Variants in RPS19 observed in about 807,000 individuals in gnomAD.
The protein encoded by RPS19 is small ribosomal subunit protein eS19.
In RPS19, 1 loss-of-function variant was observed where a neutral mutation model predicts 20.3. The ratio of observed to expected loss-of-function variants is 0.05; its 90% CI spans 0.02 to 0.23. The LOEUF (loss-of-function observed/expected upper bound fraction) is 0.23, where lower values mean the gene tolerates loss of function less well. Among genes scored for constraint, RPS19 ranks in the 10% least tolerant of loss-of-function variants. The pLI is 1.00. For synonymous variants in RPS19, 87 were observed against 74.8 expected, an observed-to-expected ratio of 1.16 and a Z score of -0.84; for missense variants, 111 against 192.7, an observed-to-expected ratio of 0.58 and a Z score of 2.51.
intron 3 of RPS19, 126 bp downstream of exon 3, chr19:41,861,338 C>G (rs1276931489): frequency 2.8e-6 from 2 of 727,216 alleles, no homozygotes; most frequent in East Asian, 5.4e-5. Context: ...GTTGTGTCAC[C>G]ACTTGCTTTG....
In RPS19 at chr19:41,860,761, A is replaced by G. The variant is rs201317022; in HGVS notation, c.1-14A>G. 2.7e-4 allele frequency: 434 copies of G among 1,608,422 alleles called. No individual in the cohort carries two copies. Among genetic ancestry groups the G allele is most frequent in the Non-Finnish European group, 1.3e-4 (156 of 1,174,822 alleles). The stretch of plus-strand genomic sequence containing the variant: ...TGCCAGGCCTGTGTTCACATGCTTG[A>G]CTTTCTCCCTCAGATGCCTGGAGTT... On this transcript the variant is annotated splice_polypyrimidine_tract_variant and intron_variant, in intron 1 of 5. Transcript: ENST00000598742.
intron 4 of RPS19, 147 bp from the exon 5 acceptor site, chr19:41,869,552 C>T (rs782195182): frequency 4.9e-5 from 39 of 796,902 alleles, no homozygotes; most frequent in Non-Finnish European, 7.1e-5. Flanking sequence ...GCCCCCAGCT[C>T]GTTAGAATGC....
chr19:41,861,348 G>T, intron 3 of RPS19, 136 bp downstream of exon 3: 1 of 701,140 alleles, frequency 1.4e-6, no homozygotes. Context: ...CACTTGCTTT[G>T]TGTGATGTGA....
intron 3 of RPS19, among the ~76,000 whole-genome samples, chr19:41,865,969 A>AC (rs1361613138): frequency 7.0e-6 from 1 of 142,516 alleles, no homozygotes; most frequent in East Asian, 2.1e-4. Flanking sequence ...AAAAAAAAAA[A>AC]AAGGCCGGGC....
chr19:41,861,339 ACTTG>A (rs1399724236), intron 3 of RPS19, 127 bp downstream of exon 3: 1 of 724,532 alleles, frequency 1.4e-6, no homozygotes, highest in Non-Finnish European at 2.5e-6. Flanking sequence ...TTGTGTCACC[ACTTG>A]CTTTGTGTGA....
Position 41,871,438 on chromosome 19 carries a change from T to A in RPS19, c.*61T>A. The A allele has an allele frequency of 6.8e-7, 1 of 1,467,822 alleles. No individual in the cohort carries two copies. The highest frequency in any genetic ancestry group is 9.5e-7 in the Non-Finnish European group (1 of 1,049,714). The allele number at this position is 1,467,822 out of a possible 1,614,324, so 90.9% of individuals were successfully genotyped here. On this transcript the variant is annotated 3_prime_UTR_variant, in exon 6 of 6. Transcript: ENST00000598742. ...GTAATCCTGGTCTGGGTCTCTTTTT[T>A]GAGTCTCTTGCTCTGTCGCCCAGGC... is the stretch of plus-strand genomic sequence containing the variant.
chr19:41,865,763 A>G (rs1003572639), intron 3 of RPS19, among the ~76,000 whole-genome samples: 34 of 150,914 alleles, frequency 2.3e-4, no homozygotes, highest in African/African-American at 8.3e-4. Context: ...CCTGGCTAAC[A>G]TGGTGAAACC....
Position 41,869,534 on chromosome 19 carries a change from C to G in RPS19, c.357-165C>G. The G allele has an allele frequency of 1.2e-5, 8 of 690,580 alleles. 1 individual carries two copies. In the Middle Eastern group the frequency reaches 2.0e-3, roughly 174 times the overall value. 42.8% of individuals were successfully genotyped at this position (690,580 alleles called of 1,614,324 possible). A position where few individuals can be genotyped will look rare whatever the true frequency, so the allele number is the denominator to read the frequency against. On this transcript the variant is annotated intron_variant, in intron 4 of 5. Coordinates refer to ENST00000598742, the MANE Select transcript of RPS19 (RefSeq NM_001022.4). The stretch of plus-strand genomic sequence containing the variant: ...ACCCCGTCAGCTCCCAGGGGGGCTC[C>G]CACTACTGCCCCCAGCTCGTTAGAA...
At chr19:41,861,324 C>G in intron 3 of RPS19, 112 bp downstream of exon 3, 1 of 783,178 alleles carries the variant, frequency 1.3e-6, no homozygotes. Context: ...GAGAGAAACC[C>G]TTGGTTGTGT....
chr19:41,868,122 C>T (rs1251359940), intron 3 of RPS19, among the ~76,000 whole-genome samples: 1 of 152,202 alleles, frequency 6.6e-6, no homozygotes, highest in Non-Finnish European at 1.5e-5. Flanking sequence ...AGACTCAGAC[C>T]AACTTGCTGA....
chr19:41,871,418 C>A lies in RPS19; in HGVS notation c.*41C>A. On this transcript the variant is annotated 3_prime_UTR_variant, in exon 6 of 6. Coordinates refer to ENST00000598742, the MANE Select transcript of RPS19 (RefSeq NM_001022.4). ...GTTAATAAATTGCCTCATTCGTAAT[C>A]CTGGTCTGGGTCTCTTTTTTGAGTC... The A allele has an allele frequency of 6.3e-7, 1 of 1,594,898 alleles. No homozygotes were observed. Among genetic ancestry groups the A allele is most frequent in the Non-Finnish European group, 8.6e-7 (1 of 1,163,394 alleles).
At chr19:41,871,259 G>T in intron 5 of RPS19, 92 bp from the exon 6 acceptor site, 2 of 1,041,534 alleles carry the variant, frequency 1.9e-6, no homozygotes. Context: ...AAATCGGGGT[G>T]CCCACCTGTG....
At chr19:41,864,164 T>C (rs2074061318) in intron 3 of RPS19, 7 of 152,216 alleles carry the variant, frequency 4.6e-5, no homozygotes. Flanking sequence ...GCTGTCTTAA[T>C]TCTTTAAAGG....
chr19:41,860,900 C>T, intron 2 of RPS19, 55 bp downstream of exon 2: 1 of 1,476,700 alleles, frequency 6.8e-7, no homozygotes. Context: ...TTGGCCTGCC[C>T]ATCTGAGCCC....
intron 5 of RPS19, among the ~76,000 whole-genome samples, chr19:41,870,206 C>T (rs2074132557): frequency 1.3e-5 from 2 of 151,798 alleles, no homozygotes; most frequent in Non-Finnish European, 2.9e-5. Flanking sequence ...CATGCCATTG[C>T]ACCCCAGCCT....
At chr19:41,866,294 G>A (rs782719410) in intron 3 of RPS19, among the ~76,000 whole-genome samples, 17 of 152,258 alleles carry the variant, frequency 1.1e-4, no homozygotes, top group South Asian at 4.1e-4. Flanking sequence ...GCTATTCTGC[G>A]TTCCCCAGTC....
chr19:41,868,870 G>T (rs1160828840), intron 3 of RPS19, among the ~76,000 whole-genome samples, 161 bp from the exon 4 acceptor site: 3 of 152,048 alleles, frequency 2.0e-5, no homozygotes, highest in Non-Finnish European at 4.4e-5. Context: ...AGCTAGCCGG[G>T]GGGGTGGGTG....
In RPS19 at chr19:41,871,697, C is replaced by G; in HGVS notation, c.*320C>G. ...GCTGTTTACCCGGCAGCCAGTCGGG[C>G]CTTCCCAGGTCAAACAGTTCCCATC... is the stretch of plus-strand genomic sequence containing the variant. On this transcript the variant is annotated 3_prime_UTR_variant, in exon 6 of 6. Coordinates refer to ENST00000598742, the MANE Select transcript of RPS19 (RefSeq NM_001022.4). The G allele has an allele frequency of 5.2e-6, 2 of 382,816 alleles. No homozygotes were observed. The highest frequency in any genetic ancestry group is 2.5e-5 in the South Asian group (1 of 39,522). The allele number at this position is 382,816 out of a possible 1,614,324, so 23.7% of individuals were successfully genotyped here. A position where few individuals can be genotyped will look rare whatever the true frequency, so the allele number is the denominator to read the frequency against.
intron 3 of RPS19, among the ~76,000 whole-genome samples, chr19:41,865,357 C>T (rs1182215455): frequency 1.6e-5 from 2 of 128,716 alleles, no homozygotes; most frequent in Admixed American, 1.7e-4. Flanking sequence ...CAGAGTGAGA[C>T]TGTCTCAAAA....
Sources: allele counts gnomAD v4.1 joint callset (sites outside exome capture counted in the v4.1 genomes callset), GRCh38; gene constraint gnomAD v4.1.1; transcripts MANE v1.5; gene names NCBI Gene and HGNC (gene_info 2026-07-23, HGNC 2026-07-21).